The following CLSTN1 variants were observed in gnomAD, a reference collection of about 807,000 sequenced individuals.
CLSTN1 encodes the protein calsyntenin 1.
CLSTN1 carries 28 observed loss-of-function variants against 108.3 expected under a neutral mutation model. That is an observed-to-expected ratio of 0.26 (90% CI 0.19 to 0.35). The LOEUF (loss-of-function observed/expected upper bound fraction) is 0.35. Ranked by LOEUF, CLSTN1 falls within the 10% of genes least tolerant of loss-of-function variation. The pLI is 1.00. For missense variants in CLSTN1, 1,157 were observed against 1,302.6 expected (o/e 0.89, Z 1.72); for synonymous variants, 524 against 534.9 (o/e 0.98, Z 0.28).
chr1:9,750,715 CAAAAAA>C (rs775430059), intron 5 of CLSTN1, among the ~76,000 whole-genome samples: 2 of 77,168 alleles, frequency 2.6e-5, no homozygotes, highest in Admixed American at 1.3e-4. Context: ...TTCCCTCAAA[CAAAAAA>C]AAAAAAAAAA....
intron 1 of CLSTN1, among the ~76,000 whole-genome samples, chr1:9,804,845 C>T (rs1299318623): frequency 6.6e-6 from 1 of 151,722 alleles, no homozygotes; most frequent in African/African-American, 2.4e-5. Context: ...AAAAGAAAGG[C>T]CGGGCACAGT....
At chr1:9,749,416 C>T (rs1156840173) in intron 7 of CLSTN1, 45 bp downstream of exon 7, 1 of 1,554,212 alleles carries the variant, frequency 6.4e-7, no homozygotes, top group African/African-American at 1.4e-5. Flanking sequence ...GTCCCTCCCA[C>T]CTTCACCAAA....
chr1:9,730,431 C>T lies in CLSTN1; in HGVS notation c.*77G>A. ...TACTGGCCGAAATGACTTTGTACAT[C>T]GTGGACCCTTGGGACTGGGAGAACG... On this transcript the variant is annotated 3_prime_UTR_variant, in exon 19 of 19. Coordinates refer to ENST00000377298, the MANE Select transcript of CLSTN1 (RefSeq NM_001009566.3). This position sits in a 1 kb window ranked among gnomAD's most constrained non-coding sequence, Gnocchi z 5.6. 3 of 1,380,438 alleles carry T rather than the reference C, an allele frequency of 2.2e-6. No homozygotes were observed. The highest frequency in any genetic ancestry group is 3.0e-6 in the Non-Finnish European group (3 of 984,638). 85.5% of individuals were successfully genotyped at this position (1,380,438 alleles called of 1,614,324 possible). A position where few individuals can be genotyped will look rare whatever the true frequency, so the allele number is the denominator to read the frequency against.
At chr1:9,758,479 A>C (rs1382683389) in intron 2 of CLSTN1, among the ~76,000 whole-genome samples, 1 of 148,986 alleles carries the variant, frequency 6.7e-6, no homozygotes, top group Non-Finnish European at 1.5e-5. Flanking sequence ...AAGCCTCGCT[A>C]ATTTTTGTAT....
At chr1:9,811,152 C>G (rs1023211129) in intron 1 of CLSTN1, among the ~76,000 whole-genome samples, 4 of 152,110 alleles carry the variant, frequency 2.6e-5, no homozygotes, top group Non-Finnish European at 5.9e-5. Context: ...TTATTTCATT[C>G]AAACAAACAG....
At chr1:9,783,110 A>G (rs1653325972) in intron 1 of CLSTN1, among the ~76,000 whole-genome samples, 1 of 152,230 alleles carries the variant, frequency 6.6e-6, no homozygotes, top group Non-Finnish European at 1.5e-5. Flanking sequence ...CACAGGTCCC[A>G]GGGTGGCCCT....
intron 1 of CLSTN1, among the ~76,000 whole-genome samples, chr1:9,819,084 G>A (rs1025257862): frequency 4.0e-5 from 6 of 151,766 alleles, no homozygotes; most frequent in African/African-American, 1.5e-4. Context: ...GTGAGCCACC[G>A]CACCCGGCCC....
intron 1 of CLSTN1, among the ~76,000 whole-genome samples, chr1:9,777,859 C>G (rs1310402494): frequency 6.6e-6 from 1 of 152,124 alleles, no homozygotes; most frequent in East Asian, 1.9e-4. Context: ...CAGTTCTGCC[C>G]TCTCGCATCC....
At chr1:9,745,156 G>C (rs923061650) in intron 7 of CLSTN1, among the ~76,000 whole-genome samples, 1 of 151,068 alleles carries the variant, frequency 6.6e-6, no homozygotes, top group Non-Finnish European at 1.5e-5. Flanking sequence ...GTGAACCCGG[G>C]AAGCGGAGCT....
intron 1 of CLSTN1, among the ~76,000 whole-genome samples, chr1:9,819,079 C>T (rs567291740): frequency 1.4e-3 from 212 of 152,138 alleles, no homozygotes; most frequent in African/African-American, 4.9e-3. Flanking sequence ...CAGGTGTGAG[C>T]CACCGCACCC....
chr1:9,771,767 G>A (rs1187746495), intron 2 of CLSTN1, among the ~76,000 whole-genome samples: 1 of 152,126 alleles, frequency 6.6e-6, no homozygotes, highest in Admixed American at 6.6e-5. Context: ...CAACTTGGGA[G>A]GCTCTATCTT....
At position 9,728,997 on chromosome 1, in the gene CLSTN1, AGAG is replaced by A. The variant is rs919199747; in HGVS notation, c.*1508_*1510del. 6.6e-6 allele frequency: 1 copy of A among 152,228 alleles called. No individual in the cohort carries two copies. Among genetic ancestry groups the A allele is most frequent in the African/African-American group, 2.4e-5 (1 of 41,458 alleles). The allele number at this position is 152,228 out of a possible 1,614,324, so 9.4% of individuals were successfully genotyped here. A position where few individuals can be genotyped will look rare whatever the true frequency, so the allele number is the denominator to read the frequency against. ...AGTGTAGGTTTAAAACCAAAACAGG[AGAG>A]AAGACAAACCCCGCTCCGGCTGGAG... On this transcript the variant is annotated 3_prime_UTR_variant, in exon 19 of 19. Transcript: ENST00000377298.
intron 2 of CLSTN1, among the ~76,000 whole-genome samples, chr1:9,764,104 GAA>G (rs893134442): frequency 1.1e-4 from 13 of 113,944 alleles, no homozygotes; most frequent in Admixed American, 3.5e-4. Flanking sequence ...GAGGGAGAAA[GAA>G]AGAGAGAGAG....
rs1650558243 is a variant in CLSTN1, at chr1:9,734,148, A to G, written c.2111-6T>C. On this transcript the variant is annotated splice_region_variant and splice_polypyrimidine_tract_variant and intron_variant, in intron 14 of 18. Coordinates refer to ENST00000377298, the MANE Select transcript of CLSTN1 (RefSeq NM_001009566.3). The surrounding 1 kb of genome is among the most constrained non-coding windows in gnomAD (Gnocchi z 4.8). ...GGACACCAGTGATTCTTGAACTGCA[A>G]AAGAGGCCCAACCAGAAATATTAAG... The G allele has an allele frequency of 6.2e-7, 1 of 1,613,742 alleles. No homozygotes were observed. Among genetic ancestry groups the G allele is most frequent in the East Asian group, 2.2e-5 (1 of 44,862 alleles).
intron 1 of CLSTN1, among the ~76,000 whole-genome samples, chr1:9,780,314 A>G (rs1244624586): frequency 6.6e-6 from 1 of 152,198 alleles, no homozygotes; most frequent in African/African-American, 2.4e-5. Context: ...TGAGTCCATA[A>G]AACTCCTGAG....
rs369113461 is a variant in CLSTN1 at position 9,744,389 on chromosome 1, C to T, written c.1234+6G>A. The T allele has an allele frequency of 1.2e-5, 19 of 1,605,736 alleles. No individual in the cohort carries two copies. In the Admixed American group the frequency reaches 3.0e-4, roughly 25 times the overall value. On this transcript the variant is annotated splice_donor_region_variant and intron_variant, in intron 8 of 18. Coordinates refer to ENST00000377298, the MANE Select transcript of CLSTN1 (RefSeq NM_001009566.3). ...CCTGGCATCGCTTGCAGAGCTATTA[C>T]CCTACCTGTTTTATCAGAACTGCAA...
rs780890059 is a variant in CLSTN1 at position 9,735,890 on chromosome 1, C to T, written c.1729G>A (p.Val577Met). 7 of 1,614,056 alleles carry T rather than the reference C, an allele frequency of 4.3e-6. No homozygotes were observed. Among genetic ancestry groups the T allele is most frequent in the South Asian group, 2.2e-5 (2 of 91,080 alleles). Residue 577 changes from valine to methionine, a missense_variant, in exon 12 of 19, where the codon GTG (valine) becomes ATG (methionine). Val to Met is a conservative substitution (Grantham distance 21). Coordinates refer to ENST00000377298, the MANE Select transcript of CLSTN1 (RefSeq NM_001009566.3). Reference protein sequence around the residue: ...LQVLEDSGRGVQIQAHPSQLV... With the variant: ...LQVLEDSGRGMQIQAHPSQLV... Reference sequence around the variant, plus strand: ...AGTCGAGCGCTCGGTGTTACCTGCACGCCTCTGCCACTGTCTTCGAGGACC... The same window carrying T: ...AGTCGAGCGCTCGGTGTTACCTGCATGCCTCTGCCACTGTCTTCGAGGACC...
chr1:9,739,696 T>C (rs758310004), intron 10 of CLSTN1, among the ~76,000 whole-genome samples: 5 of 151,998 alleles, frequency 3.3e-5, no homozygotes, highest in Non-Finnish European at 7.4e-5. Flanking sequence ...ATTAAAATAA[T>C]AACAATAATA....
intron 2 of CLSTN1, among the ~76,000 whole-genome samples, chr1:9,769,938 G>A (rs555856938): frequency 6.6e-6 from 1 of 151,994 alleles, no homozygotes; most frequent in South Asian, 2.1e-4. Context: ...GCTGAGGCAG[G>A]AGAATGGCGT....
Sources: gnomAD v4.1 joint callset for allele counts (sites outside exome capture counted in the v4.1 genomes callset) on GRCh38, gnomAD v4.1.1 for gene constraint, Gnocchi (gnomAD v3.1) non-coding constraint, MANE v1.5 for transcripts, NCBI Gene and HGNC (gene_info 2026-07-23, HGNC 2026-07-21) for gene names.